Variants in LYST observed in about 807,000 individuals in gnomAD.
LYST encodes the protein lysosomal-trafficking regulator.
In LYST, 192 loss-of-function variants were observed where a neutral mutation model predicts 413.6. That is an observed-to-expected ratio of 0.46 (90% CI 0.41 to 0.52). The LOEUF (loss-of-function observed/expected upper bound fraction) is 0.52. Ranked by LOEUF, LYST falls within the 20% of genes least tolerant of loss-of-function variation. The pLI is 0.00. For missense variants in LYST, 3,815 were observed against 4,499.9 expected, an observed-to-expected ratio of 0.85 and a Z score of 4.35; for synonymous variants, 1,525 against 1,567.3, an observed-to-expected ratio of 0.97 and a Z score of 0.64.
chr1:235,789,451 C>T (rs1052959307), intron 12 of LYST, among the ~76,000 whole-genome samples: 2 of 152,138 alleles, frequency 1.3e-5, no homozygotes, highest in African/African-American at 4.8e-5. Context: ...TTTATCTTGA[C>T]TCCTCTTCCT....
At chr1:235,725,539 G>C (rs1387917579) in intron 38 of LYST, among the ~76,000 whole-genome samples, 1 of 152,158 alleles carries the variant, frequency 6.6e-6, no homozygotes, top group African/African-American at 2.4e-5. Context: ...CTCTCTCTGA[G>C]AATTCATAAC....
At chr1:235,776,509 G>A (rs1669251702) in intron 17 of LYST, among the ~76,000 whole-genome samples, 1 of 152,120 alleles carries the variant, frequency 6.6e-6, no homozygotes, top group South Asian at 2.1e-4. Flanking sequence ...TTACTAAAGT[G>A]AGACTGTTGG....
intron 46 of LYST, among the ~76,000 whole-genome samples, chr1:235,696,334 G>A (rs1661100176): frequency 6.6e-6 from 1 of 152,208 alleles, no homozygotes; most frequent in Non-Finnish European, 1.5e-5. Context: ...GAAGGTAATG[G>A]TAATTGCCAG....
At chr1:235,730,187 C>T (rs993562982) in intron 36 of LYST, among the ~76,000 whole-genome samples, 3 of 151,990 alleles carry the variant, frequency 2.0e-5, no homozygotes, top group Non-Finnish European at 2.9e-5. Flanking sequence ...TTCTTTGTGT[C>T]TCAGTTTTTC....
At chr1:235,778,246 C>T (rs1254914188) in intron 16 of LYST, among the ~76,000 whole-genome samples, 2 of 151,026 alleles carry the variant, frequency 1.3e-5, no homozygotes, top group African/African-American at 4.9e-5. Context: ...GTGTCTGGCC[C>T]ATAATGTACT....
In LYST at chr1:235,787,283, T is replaced by A. The variant is rs536275804; in HGVS notation, c.4779A>T (p.Gln1593His). 6.2e-7 allele frequency: 1 copy of A among 1,613,568 alleles called. No homozygotes were observed. Among genetic ancestry groups the A allele is most frequent in the South Asian group, 1.1e-5 (1 of 91,078 alleles). Residue 1593 changes from glutamine (Q) to histidine (H), a missense_variant, in exon 14 of 53, where the codon CAA becomes CAT. This residue lies in a region of LYST where 530 missense variants were observed against 696.5 expected (regional missense o/e 0.76). Transcript: ENST00000389793. ...GCTGTAAGTAGGTGAGTACTAAATG[T>A]TGCCATTTGCTTGGGAGGAAAATAT... ...QENIFLPSKWQHLVLTYLQQP... is the reference protein window; with the variant it reads ...QENIFLPSKWHHLVLTYLQQP...
At chr1:235,811,850 T>C (rs1275031975) in intron 4 of LYST, among the ~76,000 whole-genome samples, 1 of 152,070 alleles carries the variant, frequency 6.6e-6, no homozygotes, top group Non-Finnish European at 1.5e-5. Flanking sequence ...TCTTAAGTGA[T>C]TAACAATTTG....
chr1:235,856,009 G>T (rs768465067), intron 1 of LYST, among the ~76,000 whole-genome samples: 2 of 152,056 alleles, frequency 1.3e-5, no homozygotes, highest in Admixed American at 6.6e-5. Context: ...TGTGAAGATG[G>T]ATAGTTAGGG....
intron 15 of LYST, 107 bp from the exon 16 acceptor site, chr1:235,781,162 G>T: frequency 1.3e-6 from 1 of 743,044 alleles, no homozygotes; most frequent in Non-Finnish European, 2.3e-6. Flanking sequence ...TCTTTCAGTT[G>T]TTCACTATAT....
intron 42 of LYST, among the ~76,000 whole-genome samples, chr1:235,713,910 A>C (rs1662615474): frequency 6.6e-6 from 1 of 152,238 alleles, no homozygotes; most frequent in South Asian, 2.1e-4. Flanking sequence ...GAATACATTC[A>C]TAATAGTAAC....
Position 235,733,815 on chromosome 1 carries a change from CA to C in LYST, c.8612+14del, listed in dbSNP as rs1174163363. ...ATTCCTAAAATACATGCCTTTGGAA[CA>C]TATAAAATCTTACCTTTGTTGATTA... On this transcript the variant is annotated intron_variant, in intron 33 of 52. Transcript: ENST00000389793. 4 of 1,566,900 alleles carry C rather than the reference CA, an allele frequency of 2.6e-6. No homozygotes were observed. The highest frequency in any genetic ancestry group is 3.5e-6 in the Non-Finnish European group (4 of 1,137,244).
intron 1 of LYST, among the ~76,000 whole-genome samples, chr1:235,882,446 A>G (rs1039904298): frequency 4.6e-5 from 7 of 152,168 alleles, no homozygotes; most frequent in African/African-American, 1.7e-4. Context: ...ATTAAGCTGG[A>G]TATATGCCCA....
At chr1:235,832,830 T>C (rs1451568632) in intron 2 of LYST, among the ~76,000 whole-genome samples, 2 of 152,120 alleles carry the variant, frequency 1.3e-5, no homozygotes, top group Non-Finnish European at 2.9e-5. Context: ...TATTTCTTGT[T>C]AGGTTTACTC....
Position 235,802,943 on chromosome 1 carries a change from T to C in LYST, c.3677A>G (p.Glu1226Gly). 6.2e-7 allele frequency: 1 copy of C among 1,613,654 alleles called. No individual in the cohort carries two copies. Among genetic ancestry groups the C allele is most frequent in the Non-Finnish European group, 8.5e-7 (1 of 1,179,818 alleles). ...GGTTTCGCCATCTTCAGGATTGCTTTCACTATCTGCTTCGTAACCTTCTTC... is the reference window on the plus strand; with the variant it reads ...GGTTTCGCCATCTTCAGGATTGCTTCCACTATCTGCTTCGTAACCTTCTTC... ...VEEEGYEADS[E>G]SNPEDGETQD... The change falls in exon 8 of 53, where the codon GAA becomes GGA. Residue 1226 changes from glutamate (E) to glycine (G), a missense_variant. By Grantham distance (98) the Glu-to-Gly change is moderately conservative. Transcript: ENST00000389793.
chr1:235,779,592 C>T lies in LYST; in HGVS notation c.5214+1273G>A, dbSNP rs561156418. Among the ~76,000 whole-genome samples the T allele has an allele frequency of 2.1e-4, 32 of 152,208 alleles. No individual in the cohort carries two copies. In the South Asian group the frequency reaches 6.6e-3, roughly 32 times the overall value. On this transcript the variant is annotated intron_variant, in intron 16 of 52. Coordinates refer to ENST00000389793, the MANE Select transcript of LYST (RefSeq NM_000081.4). ...CCAGCAATCTATATTTTAACAAGCCCTCTGGATGATTCTGGTGCACACTCA... is the reference window on the plus strand; with the variant it reads ...CCAGCAATCTATATTTTAACAAGCCTTCTGGATGATTCTGGTGCACACTCA...
chr1:235,880,868 G>A (rs778991931), intron 1 of LYST, among the ~76,000 whole-genome samples: 1 of 152,180 alleles, frequency 6.6e-6, no homozygotes, highest in Admixed American at 6.5e-5. Flanking sequence ...GCTCACACCT[G>A]TAATCCCAGC....
chr1:235,772,412 GTTT>G (rs923704814), intron 19 of LYST, among the ~76,000 whole-genome samples: 2 of 147,736 alleles, frequency 1.4e-5, no homozygotes, highest in Admixed American at 6.8e-5. Flanking sequence ...AGACAATCTA[GTTT>G]TTTTTTTGCA....
rs370969370 is a variant in LYST, at chr1:235,758,418, G to A, written c.6881+554C>T. Reference sequence around the variant, plus strand: ...GGAAACACTGGTATTGCTTTCTGAGGCCATTTTAGCTTTCTTCTGACTTCA... The same window carrying A: ...GGAAACACTGGTATTGCTTTCTGAGACCATTTTAGCTTTCTTCTGACTTCA... On this transcript the variant is annotated intron_variant, in intron 23 of 52. Transcript: ENST00000389793. Among the ~76,000 whole-genome samples, 32 of 152,310 alleles carry A rather than the reference G, an allele frequency of 2.1e-4. No homozygotes were observed. The South Asian group carries it at 6.6e-3, about 32-fold the overall frequency.
intron 1 of LYST, among the ~76,000 whole-genome samples, chr1:235,845,336 A>G (rs1000247185): frequency 4.6e-5 from 7 of 152,168 alleles, no homozygotes; most frequent in African/African-American, 1.4e-4. Context: ...AGGCCCTGGG[A>G]GCTCCCTGGG....
Sources: gnomAD v4.1 joint callset for allele counts (sites outside exome capture counted in the v4.1 genomes callset) on GRCh38, gnomAD v4.1.1 for gene constraint, gnomAD v4.1.1 regional missense constraint, MANE v1.5 for transcripts, NCBI Gene and HGNC (gene_info 2026-07-23, HGNC 2026-07-21) for gene names.